Variants in ZCCHC24 observed in about 807,000 individuals in gnomAD.
The protein encoded by ZCCHC24 is zinc finger CCHC domain-containing protein 24.
Under a neutral mutation model 26.2 loss-of-function variants are expected in ZCCHC24, and 10 were observed. The observed-to-expected ratio is 0.38, with a 90% CI of 0.24 to 0.65. The LOEUF is 0.65. Ranked by LOEUF, ZCCHC24 falls within the 30% of genes least tolerant of loss-of-function variation. The pLI is 0.54. For missense variants in ZCCHC24, 243 were observed against 329.1 expected, an observed-to-expected ratio of 0.74 and a Z score of 2.03; for synonymous variants, 144 against 147.1, an observed-to-expected ratio of 0.98 and a Z score of 0.15.
chr10:79,428,182 C>A (rs924930924), intron 2 of ZCCHC24, among the ~76,000 whole-genome samples: 1 of 152,168 alleles, frequency 6.6e-6, no homozygotes, highest in Non-Finnish European at 1.5e-5. Context: ...GAATATTACT[C>A]AGCCTTAAAA....
intron 2 of ZCCHC24, among the ~76,000 whole-genome samples, chr10:79,408,758 G>C (rs889413535): frequency 6.6e-6 from 1 of 152,134 alleles, no homozygotes; most frequent in African/African-American, 2.4e-5. Context: ...CCCAGTCTCT[G>C]ACGGTTCACA....
chr10:79,390,292 G>T (rs565864990), intron 3 of ZCCHC24, among the ~76,000 whole-genome samples: 1 of 152,208 alleles, frequency 6.6e-6, no homozygotes, highest in Non-Finnish European at 1.5e-5. Context: ...CCATAAAATG[G>T]GGGCTAAGTC....
rs1856518038 is a variant in ZCCHC24 at position 79,394,444 on chromosome 10, C to T, written c.448-4G>A. 6.2e-7 allele frequency: 1 copy of T among 1,613,110 alleles called. No individual in the cohort carries two copies. The highest frequency in any genetic ancestry group is 2.2e-5 in the East Asian group (1 of 44,876). Reference sequence around the variant, plus strand: ...GGCCCTCGCCTTTGGGGCGTGCCTACAGGGCAGGAAGCAAACACAGGGGAT... The same window carrying T: ...GGCCCTCGCCTTTGGGGCGTGCCTATAGGGCAGGAAGCAAACACAGGGGAT... On this transcript the variant is annotated splice_region_variant and splice_polypyrimidine_tract_variant and intron_variant, in intron 2 of 3. Coordinates refer to ENST00000372336, the MANE Select transcript of ZCCHC24 (RefSeq NM_153367.4).
intron 2 of ZCCHC24, among the ~76,000 whole-genome samples, chr10:79,408,871 C>A (rs1034447666): frequency 6.6e-6 from 1 of 152,214 alleles, no homozygotes; most frequent in Middle Eastern, 3.2e-3. Flanking sequence ...TAAGCCCCTT[C>A]CCTGCCTGGG....
Position 79,432,639 on chromosome 10 carries a change from G to A in ZCCHC24, c.366C>T (p.Arg122=). 6.2e-7 allele frequency: 1 copy of A among 1,609,216 alleles called. No homozygotes were observed. Among genetic ancestry groups the A allele is most frequent in the Non-Finnish European group, 8.5e-7 (1 of 1,177,716 alleles). ...TGGGTGGGGGCCGCTTGCTGGGCTT[G>A]CGAGCCTCGGAGGTGAGGGTCAGGT... ...FSDLTLTSEA[R]KPSKRPPPNY... Residue 122 remains arginine, a synonymous_variant, in exon 2 of 4, where the codon CGC becomes CGT. Transcript: ENST00000372336.
At chr10:79,409,305 T>G (rs912706476) in intron 2 of ZCCHC24, 3 of 152,290 alleles carry the variant, frequency 2.0e-5, no homozygotes, top group Non-Finnish European at 4.4e-5. Context: ...GGAAGCTCTT[T>G]AGAACTGTGA....
At chr10:79,401,906 G>A (rs1238821002) in intron 2 of ZCCHC24, among the ~76,000 whole-genome samples, 1 of 152,208 alleles carries the variant, frequency 6.6e-6, no homozygotes, top group Non-Finnish European at 1.5e-5. Context: ...GTGCTTTCCT[G>A]CAGCCCGGCC....
At chr10:79,444,626 G>A (rs993504690) in intron 1 of ZCCHC24, among the ~76,000 whole-genome samples, 3 of 152,210 alleles carry the variant, frequency 2.0e-5, no homozygotes, top group Admixed American at 6.5e-5. Context: ...GCTGGAGGAC[G>A]TATCTGGGGT....
At chr10:79,409,346 A>G (rs188701556) in intron 2 of ZCCHC24, 2 of 152,240 alleles carry the variant, frequency 1.3e-5, no homozygotes, top group African/African-American at 4.8e-5. Flanking sequence ...TCCTACCAGC[A>G]CTTCTAGCAG....
chr10:79,383,963 C>G lies in ZCCHC24; in HGVS notation c.*2382G>C, dbSNP rs1294592175. ...TGAACGTACTAAAACCACACACTTT[C>G]CCATCCCCTGGGCTCCTGGCCCTCT... On this transcript the variant is annotated 3_prime_UTR_variant, in exon 4 of 4. Transcript: ENST00000372336. 6.5e-6 allele frequency: 1 copy of G among 152,812 alleles called. No homozygotes were observed. Among genetic ancestry groups the G allele is most frequent in the Non-Finnish European group, 1.5e-5 (1 of 68,074 alleles). The allele number at this position is 152,812 out of a possible 1,614,324, so 9.5% of individuals were successfully genotyped here.
chr10:79,432,337 C>T (rs1353449180), intron 2 of ZCCHC24, among the ~76,000 whole-genome samples: 1 of 152,222 alleles, frequency 6.6e-6, no homozygotes, highest in African/African-American at 2.4e-5. Context: ...GATTGCTGAC[C>T]AACCAGCGTG....
At chr10:79,423,581 C>CTATATATATATTTATA in intron 2 of ZCCHC24, among the ~76,000 whole-genome samples, 11 of 53,736 alleles carry the variant, frequency 2.0e-4, no homozygotes, top group African/African-American at 8.5e-4. Context: ...AATATATATA[C>CTATATATATATTTATA]TATATATATA....
intron 2 of ZCCHC24, among the ~76,000 whole-genome samples, chr10:79,424,107 T>C (rs557816794): frequency 2.3e-4 from 35 of 152,190 alleles, no homozygotes; most frequent in African/African-American, 8.2e-4. Context: ...TACTAACTCC[T>C]GCTACTCCAG....
At chr10:79,424,416 A>C (rs1856998706) in intron 2 of ZCCHC24, among the ~76,000 whole-genome samples, 1 of 152,214 alleles carries the variant, frequency 6.6e-6, no homozygotes, top group Non-Finnish European at 1.5e-5. Context: ...AGCCACCGTA[A>C]AGATCTGGTA....
At chr10:79,404,820 A>G (rs1450100625) in intron 2 of ZCCHC24, among the ~76,000 whole-genome samples, 1 of 152,194 alleles carries the variant, frequency 6.6e-6, no homozygotes, top group Non-Finnish European at 1.5e-5. Context: ...TTCTGGCCCC[A>G]GCTGACCTTC....
intron 2 of ZCCHC24, among the ~76,000 whole-genome samples, chr10:79,408,418 T>C (rs2132192107): frequency 6.6e-6 from 1 of 152,290 alleles, no homozygotes; most frequent in East Asian, 1.9e-4. Context: ...GCTTGTTGTC[T>C]GCAGGCCAAA....
intron 2 of ZCCHC24, among the ~76,000 whole-genome samples, chr10:79,427,876 C>T (rs1857055186): frequency 6.6e-6 from 1 of 151,764 alleles, no homozygotes; most frequent in South Asian, 2.1e-4. Context: ...GGAATCCTGT[C>T]TCCATAAAAA....
chr10:79,403,583 G>A (rs562364580), intron 2 of ZCCHC24: 60 of 985,420 alleles, frequency 6.1e-5, no homozygotes, highest in African/African-American at 1.0e-4. Context: ...GAGGAAGGAC[G>A]CGGCAAGAGG....
intron 1 of ZCCHC24, among the ~76,000 whole-genome samples, chr10:79,435,480 C>G (rs1381267982): frequency 6.6e-6 from 1 of 152,238 alleles, no homozygotes; most frequent in Non-Finnish European, 1.5e-5. Context: ...AGGGCCGCAG[C>G]CTTGCCCCTG....
Sources: allele counts gnomAD v4.1 joint callset (sites outside exome capture counted in the v4.1 genomes callset), GRCh38; gene constraint gnomAD v4.1.1; transcripts MANE v1.5; gene names NCBI Gene and HGNC (gene_info 2026-07-23, HGNC 2026-07-21).